The following ACAD10 variants were observed in gnomAD, a reference collection of about 807,000 sequenced individuals.
The protein encoded by ACAD10 is acyl-CoA dehydrogenase family member 10, also known as ACAD-10.
In ACAD10, 112 loss-of-function variants were observed where a neutral mutation model predicts 116.8. That is an observed-to-expected ratio of 0.96 (90% CI 0.82 to 1.12). The LOEUF is 1.12. Among genes scored for constraint, ACAD10 ranks in the 50% most tolerant of loss-of-function variants. The pLI is 0.00. For synonymous variants in ACAD10, 486 were observed against 510.6 expected (o/e 0.95, Z 0.65); for missense variants, 1,259 against 1,350.2 (o/e 0.93, Z 1.06).
In ACAD10 at chr12:111,706,779, TA is replaced by T. The variant is rs1281140458; in HGVS notation, c.531+848del. The stretch of plus-strand genomic sequence containing the variant: ...TTATTTTTTTATATATATATATATA[TA>T]TATTTTTTTTTTTGAGACCATCTCA... On this transcript the variant is annotated intron_variant, in intron 4 of 20. Coordinates refer to ENST00000313698, the MANE Select transcript of ACAD10 (RefSeq NM_025247.6). Among the ~76,000 whole-genome samples, 111 of 110,022 alleles carry T rather than the reference TA, an allele frequency of 1.0e-3. 1 individual carries two copies. Among genetic ancestry groups the T allele is most frequent in the African/African-American group, 3.9e-3 (100 of 25,440 alleles). 72.2% of individuals were successfully genotyped at this position (110,022 alleles called of 152,430 possible).
chr12:111,724,622 G>A (rs2135969612), intron 8 of ACAD10, among the ~76,000 whole-genome samples: 1 of 152,330 alleles, frequency 6.6e-6, no homozygotes, highest in South Asian at 2.1e-4. Context: ...GGCCAACACA[G>A]CGAAACCCCG....
chr12:111,746,749 C>T (rs556771104), intron 14 of ACAD10, among the ~76,000 whole-genome samples: 17 of 152,146 alleles, frequency 1.1e-4, no homozygotes, highest in African/African-American at 1.9e-4. Context: ...CCTGTAATCC[C>T]GGTACTTTTG....
intron 12 of ACAD10, among the ~76,000 whole-genome samples, chr12:111,739,046 A>G (rs2135983403): frequency 6.6e-6 from 1 of 152,188 alleles, no homozygotes; most frequent in African/African-American, 2.4e-5. Context: ...TGTACAAATG[A>G]TACTGCAGGC....
chr12:111,733,699 A>G, intron 10 of ACAD10: 1 of 572,196 alleles, frequency 1.7e-6, no homozygotes, highest in South Asian at 2.2e-5. Context: ...GGGGAAATAA[A>G]TAACCAGGCC....
At position 111,736,532 on chromosome 12, in the gene ACAD10, T is replaced by C. The variant is rs369088709; in HGVS notation, c.1541-299T>C. Among the ~76,000 whole-genome samples the C allele has an allele frequency of 2.6e-5, 4 of 152,270 alleles. No individual in the cohort carries two copies. The East Asian group carries it at 5.8e-4, about 22-fold the overall frequency. On this transcript the variant is annotated intron_variant, in intron 11 of 20. Transcript: ENST00000313698. ...ATATCATTTTTGATCAAATGACTGG[T>C]TGAAGATAATATGCATCCACCCTTA...
At chr12:111,691,594 A>AT (rs56715476) in intron 1 of ACAD10, among the ~76,000 whole-genome samples, 7,708 of 132,198 alleles carry the variant, frequency 0.058, 598 homozygotes, top group East Asian at 0.23. Context: ...AAGGAATGAG[A>AT]TTTTTTTTTT....
intron 18 of ACAD10, 33 bp from the exon 19 acceptor site, chr12:111,753,739 A>G (rs1415771700): frequency 1.9e-6 from 3 of 1,613,482 alleles, no homozygotes; most frequent in Non-Finnish European, 2.5e-6. Flanking sequence ...CCAGCCCAGC[A>G]TGTCCTCAGC....
At chr12:111,735,117 A>C (rs1379477955) in intron 11 of ACAD10, among the ~76,000 whole-genome samples, 1 of 151,236 alleles carries the variant, frequency 6.6e-6, no homozygotes, top group African/African-American at 2.4e-5. Flanking sequence ...CCAGCTACTC[A>C]GGAGGCTGAG....
chr12:111,712,680 TTGGTAGCTCTCTCCAA>T (rs775213961), intron 6 of ACAD10, 23 bp downstream of exon 6: 84 of 1,611,006 alleles, frequency 5.2e-5, no homozygotes, highest in Non-Finnish European at 6.4e-5. Context: ...CTTTCATGTT[TTGGTAGCTCTCTCCAA>T]GGCGAAGGTT....
chr12:111,736,072 G>A lies in ACAD10; in HGVS notation c.1541-759G>A, dbSNP rs139199444. Among the ~76,000 whole-genome samples, 25 of 151,954 alleles carry A rather than the reference G, an allele frequency of 1.6e-4. No individual in the cohort carries two copies. The East Asian group carries it at 3.9e-3, about 24-fold the overall frequency. On this transcript the variant is annotated intron_variant, in intron 11 of 20. Coordinates refer to ENST00000313698, the MANE Select transcript of ACAD10 (RefSeq NM_025247.6). ...TTTTTGTATTTTCAGTAGAGACAGG[G>A]TCTTCACCATGTTGGCCAGGCTGGT... is the stretch of plus-strand genomic sequence containing the variant.
chr12:111,717,986 T>C (rs957376528), intron 7 of ACAD10, among the ~76,000 whole-genome samples: 10 of 151,172 alleles, frequency 6.6e-5, no homozygotes, highest in African/African-American at 2.2e-4. Context: ...TTATGATTTA[T>C]AATATTCCCT....
At chr12:111,726,815 C>T (rs911261962) in intron 8 of ACAD10, among the ~76,000 whole-genome samples, 10 of 152,180 alleles carry the variant, frequency 6.6e-5, no homozygotes, top group African/African-American at 2.4e-4. Context: ...GAGCCAAGAT[C>T]GTACCACTGC....
In ACAD10 at chr12:111,756,919, C is replaced by T. The variant is rs769920763; in HGVS notation, c.*446C>T. 1.1e-4 allele frequency: 52 copies of T among 457,432 alleles called. No homozygotes were observed. Among genetic ancestry groups the T allele is most frequent in the Middle Eastern group, 6.4e-4 (2 of 3,102 alleles). 28.3% of individuals were successfully genotyped at this position (457,432 alleles called of 1,614,324 possible). On this transcript the variant is annotated 3_prime_UTR_variant, in exon 21 of 21. Transcript: ENST00000313698. ...CTGGTGAGCAGAGGGGCGGCCACGGCGGGCGGTGGCCTAGAGACCCAGGAC... is the reference window on the plus strand; with the variant it reads ...CTGGTGAGCAGAGGGGCGGCCACGGTGGGCGGTGGCCTAGAGACCCAGGAC...
chr12:111,700,292 A>C (rs571227539), intron 2 of ACAD10, among the ~76,000 whole-genome samples: 1 of 152,360 alleles, frequency 6.6e-6, no homozygotes, highest in Admixed American at 6.5e-5. Context: ...TTATATGAAT[A>C]TATCATAATT....
Position 111,733,309 on chromosome 12 carries a change from C to T in ACAD10, c.1395-614C>T, listed in dbSNP as rs1017959254. 4.6e-5 allele frequency among the ~76,000 whole-genome samples: 7 copies of T among 151,866 alleles called. No individual in the cohort carries two copies. The South Asian group carries it at 6.2e-4, about 14-fold the overall frequency. On this transcript the variant is annotated intron_variant, in intron 10 of 20. Coordinates refer to ENST00000313698, the MANE Select transcript of ACAD10 (RefSeq NM_025247.6). ...AGAGATAGGATCTTGTTATGTTGCC[C>T]GGGCTGGTCTTGAACTCCTGAGCTT...
chr12:111,754,288 C>T (rs1261523897), intron 19 of ACAD10, among the ~76,000 whole-genome samples: 2 of 152,182 alleles, frequency 1.3e-5, no homozygotes, highest in African/African-American at 4.8e-5. Context: ...TCAAGTGTGA[C>T]ATTAGTCATT....
At chr12:111,743,344 A>G (rs1343942106) in intron 12 of ACAD10, among the ~76,000 whole-genome samples, 2 of 151,888 alleles carry the variant, frequency 1.3e-5, no homozygotes, top group Non-Finnish European at 2.9e-5. Flanking sequence ...ACACTGGGGA[A>G]ATTTCCAGAT....
In ACAD10 at chr12:111,746,213, G is replaced by A. The variant is rs773394166; in HGVS notation, c.2185G>A (p.Gly729Arg). ...AGAGGCTGATCCCGAGAAAAAATAC[G>A]GAGCAGGACTGACCAATGTGGAATA... ...PLEADPEKKYGAGLTNVEYAH... is the reference protein window; with the variant it reads ...PLEADPEKKYRAGLTNVEYAH... The change falls in exon 14 of 21, where the codon GGA becomes AGA. Residue 729 changes from glycine (G) to arginine (R), a missense_variant. Physicochemically the swap from Gly to Arg is moderately radical, Grantham distance 125. Coordinates refer to ENST00000313698, the MANE Select transcript of ACAD10 (RefSeq NM_025247.6). The A allele has an allele frequency of 8.1e-6, 13 of 1,613,782 alleles. No individual in the cohort carries two copies. The highest frequency in any genetic ancestry group is 2.7e-5 in the African/African-American group (2 of 74,826).
chr12:111,746,194 T>C lies in ACAD10; in HGVS notation c.2166T>C (p.Ala722=). The change falls in exon 14 of 21, where the codon GCT becomes GCC. Residue 722 remains alanine (A), a synonymous_variant. Coordinates refer to ENST00000313698, the MANE Select transcript of ACAD10 (RefSeq NM_025247.6). ...GGAACCTTTTCCTACCCTTAGAGGC[T>C]GATCCCGAGAAAAAATACGGAGCAG... ...GLWNLFLPLE[A]DPEKKYGAGL... The C allele has an allele frequency of 6.2e-7, 1 of 1,614,060 alleles. No homozygotes were observed. The highest frequency in any genetic ancestry group is 1.3e-5 in the African/African-American group (1 of 75,032).
Sources: allele counts gnomAD v4.1 joint callset (sites outside exome capture counted in the v4.1 genomes callset), GRCh38; gene constraint gnomAD v4.1.1; transcripts MANE v1.5; gene names NCBI Gene and HGNC (gene_info 2026-07-23, HGNC 2026-07-21).